Variants in TRAPPC2L observed in about 807,000 individuals in gnomAD.
The protein encoded by TRAPPC2L is trafficking protein particle complex subunit 2L.
TRAPPC2L carries 17 observed loss-of-function variants against 13.2 expected under a neutral mutation model. The ratio of observed to expected loss-of-function variants is 1.29; its 90% CI spans 0.88 to 1.93. The LOEUF (loss-of-function observed/expected upper bound fraction) is 1.93. Among genes scored for constraint, TRAPPC2L ranks in the 30% most tolerant of loss-of-function variants. TRAPPC2L has a pLI of 0.00. For synonymous variants in TRAPPC2L, 150 were observed against 98.1 expected (o/e 1.53, Z -3.12); for missense variants, 359 against 252.1 (o/e 1.42, Z -2.87).
chr16:88,857,137 C>T lies in TRAPPC2L; in HGVS notation c.-14C>T, dbSNP rs760714363. ...GGGTCACGTGACGCGGTGCCTGGCG[C>T]CGAGCCTCCCAAGATGGCGGTGTGC... On this transcript the variant is annotated 5_prime_UTR_variant, in exon 1 of 4. Coordinates refer to ENST00000565504, the Ensembl canonical transcript of TRAPPC2L. 6.5e-5 allele frequency: 102 copies of T among 1,571,180 alleles called. No homozygotes were observed. In the Middle Eastern group the frequency reaches 2.7e-3, roughly 42 times the overall value.
chr16:88,862,577 G>A (rs1018250632), exon 4 of TRAPPC2L: 27 of 152,224 alleles, frequency 1.8e-4, no homozygotes, highest in African/African-American at 6.3e-4. Context: ...GACGCAGAAC[G>A]CGGGAAGGAC....
chr16:88,858,085 AAC>A (rs1365090323), intron 1 of TRAPPC2L, among the ~76,000 whole-genome samples: 1 of 152,246 alleles, frequency 6.6e-6, no homozygotes, highest in Non-Finnish European at 1.5e-5. Context: ...CCCAGTGCTG[AAC>A]ACACACAGGG....
At chr16:88,861,302 T>C (rs1968371777) in exon 4 of TRAPPC2L, 13 of 389,532 alleles carry the variant, frequency 3.3e-5, no homozygotes, top group South Asian at 2.9e-4. Context: ...TGTGACCATG[T>C]GGGTCACCCA....
At chr16:88,856,841 G>C, upstream of TRAPPC2L, 1 of 1,518,554 alleles carries the variant, frequency 6.6e-7, no homozygotes, top group East Asian at 2.6e-5. Context: ...ACCAGCAACA[G>C]CTGCCACCAC....
chr16:88,861,881 C>T (rs1047960158), exon 4 of TRAPPC2L: 5 of 300,260 alleles, frequency 1.7e-5, no homozygotes, highest in African/African-American at 6.7e-5. Flanking sequence ...TTTCTTGATA[C>T]ATATTTGCCT....
At position 88,861,106 on chromosome 16, in the gene TRAPPC2L, G is replaced by A. The variant is rs570730131; in HGVS notation, c.*782G>A. On this transcript the variant is annotated 3_prime_UTR_variant, in exon 4 of 4. Transcript: ENST00000565504. ...ATGTTCTCTCAACTAAAGGTCTTGT[G>A]AGAGGAGATTTGGCTTTTTCCTTCC... 4.0e-5 allele frequency: 30 copies of A among 746,724 alleles called. No homozygotes were observed. The African/African-American group carries it at 4.6e-4, about 11-fold the overall frequency. The allele number at this position is 746,724 out of a possible 1,614,324, so 46.3% of individuals were successfully genotyped here. A position where few individuals can be genotyped will look rare whatever the true frequency, so the allele number is the denominator to read the frequency against.
At chr16:88,859,303 G>C in intron 2 of TRAPPC2L, 1 of 631,720 alleles carries the variant, frequency 1.6e-6, no homozygotes, top group Non-Finnish European at 2.9e-6. Context: ...GTGGCCTCTA[G>C]AGAGGGGATC....
At chr16:88,859,145 T>C (rs1828612859) in intron 2 of TRAPPC2L, 2 of 433,678 alleles carry the variant, frequency 4.6e-6, no homozygotes, top group African/African-American at 4.0e-5. Context: ...ATTTATTTCA[T>C]TAGGCCTTGC....
At chr16:88,858,494 T>C (rs1394191919) in intron 1 of TRAPPC2L, 125 bp from the exon 2 acceptor site, 2 of 963,410 alleles carry the variant, frequency 2.1e-6, no homozygotes, top group Non-Finnish European at 3.1e-6. Flanking sequence ...AATGAAGCGG[T>C]GGGCCTTAGA....
At chr16:88,860,690 C>A in exon 4 of TRAPPC2L, 1 of 613,066 alleles carries the variant, frequency 1.6e-6, no homozygotes, top group Non-Finnish European at 2.9e-6. Context: ...TCCACCCCTT[C>A]CTGGGGCCTT....
chr16:88,859,050 G>C, intron 2 of TRAPPC2L: 1 of 521,014 alleles, frequency 1.9e-6, no homozygotes, highest in Non-Finnish European at 3.5e-6. Context: ...AGAGGAAGTG[G>C]GACACTTCTG....
chr16:88,856,444 C>A, upstream of TRAPPC2L: 1 of 700,684 alleles, frequency 1.4e-6, no homozygotes, highest in South Asian at 1.5e-5. Flanking sequence ...GCACGCCGGC[C>A]ACCCACCTGC....
intron 1 of TRAPPC2L, 149 bp downstream of exon 1, chr16:88,857,332 T>C: frequency 1.4e-6 from 1 of 705,196 alleles, no homozygotes; most frequent in Non-Finnish European, 2.2e-6. Flanking sequence ...GGCTTCGCGG[T>C]GGACGAGCCG....
Position 88,859,667 on chromosome 16 carries a change from GGCTAC to G in TRAPPC2L, c.213_217del (p.Tyr72HisfsTer82), listed in dbSNP as rs750466925. ...CTTCCCTAACCAGCTGTGCAGATAC[GGCTAC>G]GTCACCAACTCCAAGGTGAAGTTTG... On this transcript the variant is annotated frameshift_variant, in exon 3 of 4. Coordinates refer to ENST00000565504, the Ensembl canonical transcript of TRAPPC2L. LOFTEE classifies it high-confidence loss of function. 6.2e-7 allele frequency: 1 copy of G among 1,613,932 alleles called. No homozygotes were observed. The highest frequency in any genetic ancestry group is 8.5e-7 in the Non-Finnish European group (1 of 1,180,006).
chr16:88,857,874 C>T (rs546213476), intron 1 of TRAPPC2L, among the ~76,000 whole-genome samples: 4 of 152,260 alleles, frequency 2.6e-5, no homozygotes, highest in Non-Finnish European at 5.9e-5. Context: ...CACGCTCCTG[C>T]TGCACGGAGC....
rs370158622 is a variant in TRAPPC2L at position 88,859,874 on chromosome 16, T to A, written c.295-19T>A. 6.4e-6 allele frequency: 10 copies of A among 1,570,602 alleles called. No homozygotes were observed. Among genetic ancestry groups the A allele is most frequent in the Non-Finnish European group, 8.6e-6 (10 of 1,160,582 alleles). ...CTGTGTGTATGTGGCAAGGTCATGG[T>A]TTGCTGGGTCTTTTTCAGATGTTCC... On this transcript the variant is annotated intron_variant, in intron 3 of 3. Coordinates refer to ENST00000565504, the Ensembl canonical transcript of TRAPPC2L.
intron 1 of TRAPPC2L, 93 bp downstream of exon 1, chr16:88,857,276 G>A (rs369533170): frequency 1.1e-5 from 13 of 1,219,346 alleles, no homozygotes; most frequent in South Asian, 2.9e-5. Flanking sequence ...AGGCACCTTA[G>A]GAAATGGGAC....
upstream of TRAPPC2L, chr16:88,857,098 G>C (rs1967966459): frequency 3.2e-6 from 5 of 1,549,768 alleles, no homozygotes; most frequent in Middle Eastern, 1.8e-4. Context: ...TTTGGAGGCC[G>C]CGTGACCAGC....
exon 4 of TRAPPC2L, chr16:88,860,177 G>T: frequency 1.4e-6 from 1 of 711,600 alleles, no homozygotes; most frequent in South Asian, 1.5e-5. Context: ...CGCATAAAGT[G>T]GATAGAGTGT....
Sources: gnomAD v4.1 joint callset for allele counts (sites outside exome capture counted in the v4.1 genomes callset) on GRCh38, gnomAD v4.1.1 for gene constraint, MANE v1.5 for transcripts, NCBI Gene and HGNC (gene_info 2026-07-23, HGNC 2026-07-21) for gene names.